CFAP54: variants seen among roughly 807,000 people sequenced by gnomAD.
CFAP54 encodes the protein cilia and flagella associated protein 54, also known as cilia- and flagella-associated protein 54.
In CFAP54, 290 loss-of-function variants were observed where a neutral mutation model predicts 370.4. The observed-to-expected ratio is 0.78, with a 90% CI of 0.71 to 0.86. The LOEUF is 0.86. Ranked by LOEUF, CFAP54 falls within the 40% of genes least tolerant of loss-of-function variation. CFAP54 has a pLI of 0.00. For synonymous variants in CFAP54, 1,206 were observed against 1,236.5 expected (o/e 0.98, Z 0.52); for missense variants, 3,399 against 3,528.7 (o/e 0.96, Z 0.93).
chr12:96,823,956 T>C (rs528465234), intron 65 of CFAP54, among the ~76,000 whole-genome samples: 1 of 149,552 alleles, frequency 6.7e-6, no homozygotes, highest in African/African-American at 2.6e-5. Context: ...AAGTTTTTTC[T>C]CCCCCCACCC....
In CFAP54 at chr12:96,742,460, A is replaced by G. The variant is rs768735578; in HGVS notation, c.7093A>G (p.Ser2365Gly). 1.9e-6 allele frequency: 3 copies of G among 1,586,926 alleles called. No individual in the cohort carries two copies. The highest frequency in any genetic ancestry group is 1.4e-5 in the African/African-American group (1 of 73,924). Reference sequence around the variant, plus strand: ...TTAGGTCACTGAAAATAAAGATGACAGTGAGTTTTTAGATCCTATTTCCCT... The same window carrying G: ...TTAGGTCACTGAAAATAAAGATGACGGTGAGTTTTTAGATCCTATTTCCCT... ...GTSVTENKDD[S>G]EFLDPISLNA... The change falls in exon 52 of 68, where the codon AGT (serine) becomes GGT (glycine). Residue 2365 changes from serine (S) to glycine (G), a missense_variant. Physicochemically the swap from Ser to Gly is moderately conservative, Grantham distance 56. Coordinates refer to ENST00000524981, the MANE Select transcript of CFAP54 (RefSeq NM_001306084.2).
chr12:96,635,633 C>T (rs1956655898), intron 32 of CFAP54, among the ~76,000 whole-genome samples: 1 of 152,204 alleles, frequency 6.6e-6, no homozygotes, highest in Admixed American at 6.5e-5. Context: ...GGTTCCACAA[C>T]ACTGCCACCA....
intron 4 of CFAP54, 91 bp downstream of exon 4, chr12:96,507,190 A>C: frequency 1.0e-6 from 1 of 981,914 alleles, no homozygotes; most frequent in Non-Finnish European, 1.4e-6. Flanking sequence ...CTTGTGATTT[A>C]AAACATACGC....
chr12:96,596,090 G>T (rs1360384315), intron 25 of CFAP54, among the ~76,000 whole-genome samples: 1 of 152,150 alleles, frequency 6.6e-6, no homozygotes, highest in Non-Finnish European at 1.5e-5. Flanking sequence ...AATATTCATT[G>T]TCTTGGGACA....
At chr12:96,715,593 G>A (rs896126573) in intron 48 of CFAP54, among the ~76,000 whole-genome samples, 2 of 152,028 alleles carry the variant, frequency 1.3e-5, no homozygotes, top group Non-Finnish European at 2.9e-5. Context: ...AAAAATATTA[G>A]TACTTTTGTC....
chr12:96,557,812 G>A (rs539278941), intron 17 of CFAP54, among the ~76,000 whole-genome samples: 56 of 151,798 alleles, frequency 3.7e-4, no homozygotes, highest in African/African-American at 1.0e-3. Context: ...AATAAGTAAC[G>A]TAATAATTGA....
chr12:96,523,132 A>G (rs1308343099), intron 8 of CFAP54, among the ~76,000 whole-genome samples: 2 of 152,182 alleles, frequency 1.3e-5, no homozygotes, highest in East Asian at 1.9e-4. Context: ...GCGAGCTTCC[A>G]TGTAGAGATT....
intron 22 of CFAP54, among the ~76,000 whole-genome samples, chr12:96,585,640 T>C (rs533633981): frequency 1.3e-5 from 2 of 152,272 alleles, no homozygotes; most frequent in Admixed American, 6.5e-5. Context: ...TTTTTAAACC[T>C]CACCCTTCTT....
chr12:96,827,980 T>G (rs1443798488), intron 65 of CFAP54, among the ~76,000 whole-genome samples: 1 of 119,082 alleles, frequency 8.4e-6, no homozygotes. Flanking sequence ...TAATATATTA[T>G]ATTATATATA....
chr12:96,568,267 T>G (rs1955881600), intron 19 of CFAP54, among the ~76,000 whole-genome samples: 2 of 152,058 alleles, frequency 1.3e-5, no homozygotes, highest in South Asian at 4.1e-4. Context: ...TTCTTCTATT[T>G]TTTAAAAAAT....
intron 60 of CFAP54, 140 bp from the exon 61 acceptor site, chr12:96,784,577 A>G: frequency 1.8e-6 from 1 of 560,354 alleles, no homozygotes; most frequent in South Asian, 4.1e-5. Flanking sequence ...TGTCTGCATG[A>G]TACAAAAGAC....
chr12:96,840,095 G>A (rs1258761848), intron 66 of CFAP54, among the ~76,000 whole-genome samples: 1 of 152,218 alleles, frequency 6.6e-6, no homozygotes, highest in African/African-American at 2.4e-5. Flanking sequence ...AAGGGAATGT[G>A]GTTTGGGAAC....
At chr12:96,588,109 C>G (rs976713130) in intron 22 of CFAP54, among the ~76,000 whole-genome samples, 17 of 152,210 alleles carry the variant, frequency 1.1e-4, no homozygotes, top group Admixed American at 6.5e-4. Flanking sequence ...TCATGTCTCA[C>G]TTGAACTTGT....
chr12:96,846,227 C>T (rs1270810751), intron 66 of CFAP54, among the ~76,000 whole-genome samples: 1 of 152,170 alleles, frequency 6.6e-6, no homozygotes, highest in South Asian at 2.1e-4. Context: ...TTGAATGTAG[C>T]CATTTCTCTT....
intron 34 of CFAP54, among the ~76,000 whole-genome samples, chr12:96,648,582 T>C (rs1275625034): frequency 1.7e-4 from 3 of 17,144 alleles, no homozygotes; most frequent in African/African-American, 6.1e-4. Flanking sequence ...ACAGGGTTCT[T>C]TTTTTTTTTT....
At chr12:96,852,709 A>G (rs896173287) in intron 66 of CFAP54, among the ~76,000 whole-genome samples, 7 of 152,150 alleles carry the variant, frequency 4.6e-5, no homozygotes, top group African/African-American at 1.7e-4. Context: ...GCAAAATGGC[A>G]AGCCACAGAG....
At position 96,744,036 on chromosome 12, in the gene CFAP54, A is replaced by G. The variant is rs144682418; in HGVS notation, c.7574A>G (p.Glu2525Gly). 405 of 1,609,966 alleles carry G rather than the reference A, an allele frequency of 2.5e-4. 2 individuals carry two copies. The highest frequency in any genetic ancestry group is 3.1e-4 in the Non-Finnish European group (361 of 1,178,806). ...ILTEQMLAFG[E>G]TIEFRSSNTK... is the part of the protein sequence containing the mutation. ...TTTTAATAGATGCTAGCTTTTGGAG[A>G]AACAATTGAATTTCGTTCATCAAAC... Residue 2525 changes from glutamate (E) to glycine (G), a missense_variant, in exon 55 of 68, where the codon GAA (glutamate) becomes GGA (glycine). Glu to Gly is a moderately conservative substitution (Grantham distance 98). Coordinates refer to ENST00000524981, the MANE Select transcript of CFAP54 (RefSeq NM_001306084.2).
chr12:96,614,407 A>G (rs1447541341), intron 26 of CFAP54, among the ~76,000 whole-genome samples: 1 of 152,236 alleles, frequency 6.6e-6, no homozygotes, highest in African/African-American at 2.4e-5. Flanking sequence ...AGCCAGTATC[A>G]TACTGAATGG....
At chr12:96,536,626 C>CTTTTTTTTTTTT (rs10638883) in intron 12 of CFAP54, among the ~76,000 whole-genome samples, 9 of 138,150 alleles carry the variant, frequency 6.5e-5, no homozygotes, top group Non-Finnish European at 1.1e-4. Flanking sequence ...TTTTCTTTTT[C>CTTTTTTTTTTTT]TTTTTTTTTT....
Sources: allele counts gnomAD v4.1 joint callset (sites outside exome capture counted in the v4.1 genomes callset), GRCh38; gene constraint gnomAD v4.1.1; transcripts MANE v1.5; gene names NCBI Gene and HGNC (gene_info 2026-07-23, HGNC 2026-07-21).